Variants in TRANK1 observed in about 807,000 individuals in gnomAD.
TRANK1 encodes the protein tetratricopeptide repeat and ankyrin repeat containing 1, also known as TPR and ankyrin repeat-containing protein 1.
TRANK1 carries 198 observed loss-of-function variants against 266.0 expected under a neutral mutation model. The ratio of observed to expected loss-of-function variants is 0.74; its 90% CI spans 0.66 to 0.84. The LOEUF (loss-of-function observed/expected upper bound fraction) is 0.84, where lower values mean the gene tolerates loss of function less well. TRANK1 is among the 40% of genes least tolerant of loss of function. The pLI, the probability that TRANK1 is intolerant of heterozygous loss-of-function variation, is 0.00. For synonymous variants in TRANK1, 1,396 were observed against 1,384.1 expected (o/e 1.01, Z -0.19); for missense variants, 3,326 against 3,634.6 (o/e 0.92, Z 2.18).
At chr3:36,870,547 T>C (rs1470861170) in intron 9 of TRANK1, among the ~76,000 whole-genome samples, 1 of 152,200 alleles carries the variant, frequency 6.6e-6, no homozygotes, top group Non-Finnish European at 1.5e-5. Context: ...CTTTCACTCA[T>C]GTTTCTCTAT....
At chr3:36,943,332 A>G (rs1396032596) in intron 1 of TRANK1, among the ~76,000 whole-genome samples, 18 of 152,154 alleles carry the variant, frequency 1.2e-4, no homozygotes, top group Admixed American at 1.2e-3. Flanking sequence ...AATATTACAC[A>G]CATATTATGC....
At chr3:36,898,849 C>CA (rs57126220) in intron 4 of TRANK1, among the ~76,000 whole-genome samples, 2,315 of 112,882 alleles carry the variant, frequency 0.021, 23 homozygotes, top group Non-Finnish European at 0.03. Context: ...GACTCTGTCT[C>CA]AAAAAAAAAA....
At chr3:36,900,851 CAAAAAAAAAAAAAA>C (rs138198488) in intron 3 of TRANK1, among the ~76,000 whole-genome samples, 1 of 63,006 alleles carries the variant, frequency 1.6e-5, no homozygotes, top group Non-Finnish European at 3.3e-5. Context: ...GACCCTGTCT[CAAAAAAAAAAAAAA>C]AAAAAAAAAA....
At chr3:36,851,479 G>A in intron 15 of TRANK1, 2 of 1,246,530 alleles carry the variant, frequency 1.6e-6, no homozygotes, top group Non-Finnish European at 2.0e-6. Flanking sequence ...GTACTAGAGA[G>A]CCAAAGAAGG....
In TRANK1 at chr3:36,864,577, C is replaced by T. The variant is rs1453961646; in HGVS notation, c.1079-97G>A. The T allele has an allele frequency of 5.0e-6, 6 of 1,195,570 alleles. No homozygotes were observed. In the South Asian group the frequency reaches 6.8e-5, roughly 13 times the overall value. 74.1% of individuals were successfully genotyped at this position (1,195,570 alleles called of 1,614,324 possible). A position where few individuals can be genotyped will look rare whatever the true frequency, so the allele number is the denominator to read the frequency against. On this transcript the variant is annotated intron_variant, in intron 9 of 23. Transcript: ENST00000645898. ...AATTCTCCAACCCTCCACATACTCA[C>T]ATGCTGTGCAGTGTGACTTGCTGCT...
intron 5 of TRANK1, among the ~76,000 whole-genome samples, chr3:36,893,840 C>A (rs2079746995): frequency 6.6e-6 from 1 of 152,106 alleles, no homozygotes; most frequent in Non-Finnish European, 1.5e-5. Context: ...AGGAACTGAG[C>A]CCATGGCCAC....
chr3:36,860,527 G>A (rs1309998914), intron 11 of TRANK1, among the ~76,000 whole-genome samples: 1 of 152,050 alleles, frequency 6.6e-6, no homozygotes, highest in Non-Finnish European at 1.5e-5. Flanking sequence ...CACAGGAGTA[G>A]ATAAGGATCC....
At chr3:36,887,609 AC>A (rs2079625763) in intron 8 of TRANK1, among the ~76,000 whole-genome samples, 1 of 152,110 alleles carries the variant, frequency 6.6e-6, no homozygotes, top group Non-Finnish European at 1.5e-5. Context: ...TTGTGCACGG[AC>A]CTTCTTTTAT....
At chr3:36,931,769 C>T (rs1036075556) in intron 1 of TRANK1, among the ~76,000 whole-genome samples, 1 of 152,150 alleles carries the variant, frequency 6.6e-6, no homozygotes, top group Non-Finnish European at 1.5e-5. Flanking sequence ...AAATTCTGGG[C>T]CAGGTGTGGT....
At chr3:36,909,086 C>A (rs2080015534) in intron 1 of TRANK1, among the ~76,000 whole-genome samples, 1 of 152,188 alleles carries the variant, frequency 6.6e-6, no homozygotes, top group East Asian at 1.9e-4. Context: ...TCTCTCCTGT[C>A]CCCCTCCTTT....
intron 8 of TRANK1, among the ~76,000 whole-genome samples, chr3:36,876,421 T>C (rs1207036982): frequency 6.6e-6 from 1 of 152,218 alleles, no homozygotes; most frequent in African/African-American, 2.4e-5. Context: ...TAGTGACTGA[T>C]TGGTTCATAG....
Position 36,945,048 on chromosome 3 carries a change from C to G in TRANK1, c.-239G>C. On this transcript the variant is annotated 5_prime_UTR_variant, in exon 1 of 24. Coordinates refer to ENST00000645898, the MANE Select transcript of TRANK1 (RefSeq NM_001329998.2). Reference sequence around the variant, plus strand: ...GTCCGGGCGGTGTGCAGCCGCAGACCTATTCCAAGTTTCCACGTAGTTGCG... The same window carrying G: ...GTCCGGGCGGTGTGCAGCCGCAGACGTATTCCAAGTTTCCACGTAGTTGCG... 4.4e-6 allele frequency: 2 copies of G among 450,288 alleles called. No individual in the cohort carries two copies. The highest frequency in any genetic ancestry group is 7.8e-6 in the Non-Finnish European group (2 of 256,566). 27.9% of individuals were successfully genotyped at this position (450,288 alleles called of 1,614,324 possible). A position where few individuals can be genotyped will look rare whatever the true frequency, so the allele number is the denominator to read the frequency against.
chr3:36,855,876 C>T lies in TRANK1; in HGVS notation c.3846G>A (p.Glu1282=), dbSNP rs374071646. ...CCTCTTGCCAACTAGGAATGGTTGA[C>T]TCTTCCTGTGCAGACCATCCTATGA... ...RTIIGWSAQE[E]STIPSWQEDE... is the part of the protein sequence containing the mutation. The change falls in exon 13 of 24, where the codon GAG becomes GAA. Residue 1282 remains glutamate, a synonymous_variant. Coordinates refer to ENST00000645898, the MANE Select transcript of TRANK1 (RefSeq NM_001329998.2). 4.3e-6 allele frequency: 7 copies of T among 1,613,642 alleles called. No homozygotes were observed. In the African/African-American group the frequency reaches 5.3e-5, roughly 12 times the overall value.
rs535638784 is a variant in TRANK1 at position 36,831,508 on chromosome 3, T to A, written c.8075A>T (p.Asp2692Val). The change falls in exon 22 of 24, where the codon GAT becomes GTT. Residue 2692 changes from aspartate (D) to valine (V), a missense_variant. Physicochemically the swap from Asp to Val is radical, Grantham distance 152. Transcript: ENST00000645898. This position sits in a 1 kb window ranked among gnomAD's most constrained non-coding sequence, Gnocchi z 5.0. ...TTCTAATGCCAGTTCATCCATCTCA[T>A]CCTGGCCAAACTCACACTCAGGTTC... ...FAEPECEFGQ[D>V]EMDELALEDR... is the part of the protein sequence containing the mutation. 37 of 1,613,300 alleles carry A rather than the reference T, an allele frequency of 2.3e-5. No individual in the cohort carries two copies. Among genetic ancestry groups the A allele is most frequent in the Non-Finnish European group, 1.7e-6 (2 of 1,179,634 alleles).
chr3:36,856,047 C>T lies in TRANK1; in HGVS notation c.3675G>A (p.Leu1225=), dbSNP rs761816409. 1.9e-6 allele frequency: 3 copies of T among 1,613,750 alleles called. No homozygotes were observed. The Admixed American group carries it at 5.0e-5, about 27-fold the overall frequency. Residue 1225 remains leucine, a synonymous_variant, in exon 13 of 24, where the codon CTG becomes CTA. Transcript: ENST00000645898. ...CCTGGAGTTTGTGAATGTTGGGGTCCAGTGGTTTGTAATGACTAGTGGCCT... is the reference window on the plus strand; with the variant it reads ...CCTGGAGTTTGTGAATGTTGGGGTCTAGTGGTTTGTAATGACTAGTGGCCT... ...STKATSHYKP[L]DPNIHKLQDL...
In TRANK1 at chr3:36,847,202, T is replaced by G. The variant is rs1010860442; in HGVS notation, c.5032A>C (p.Lys1678Gln). ...GTTGACAAATGGCAGAAATTCACCTTGTACATTTCTGGATTCACCATGAGA... is the reference window on the plus strand; with the variant it reads ...GTTGACAAATGGCAGAAATTCACCTGGTACATTTCTGGATTCACCATGAGA... ...RSLMVNPEMY[K>Q]LLNGELKQLY... Residue 1678 changes from lysine to glutamine, a missense_variant and splice_region_variant, in exon 16 of 24, where the codon AAG (lysine) becomes CAG (glutamine). Lys to Gln is a moderately conservative substitution (Grantham distance 53). Transcript: ENST00000645898. 1 of 1,612,630 alleles carries G rather than the reference T, an allele frequency of 6.2e-7. No homozygotes were observed. Among genetic ancestry groups the G allele is most frequent in the Non-Finnish European group, 8.5e-7 (1 of 1,179,192 alleles).
intron 22 of TRANK1, among the ~76,000 whole-genome samples, chr3:36,830,487 G>C (rs1331409458): frequency 6.6e-6 from 1 of 152,182 alleles, no homozygotes; most frequent in East Asian, 1.9e-4. Context: ...GAACCTTAAA[G>C]AGTTTTCTTA....
At position 36,895,690 on chromosome 3, in the gene TRANK1, C is replaced by T. The variant is rs545760648; in HGVS notation, c.502G>A (p.Glu168Lys). The T allele has an allele frequency of 2.6e-6, 4 of 1,536,728 alleles. No individual in the cohort carries two copies. The highest frequency in any genetic ancestry group is 3.5e-6 in the Non-Finnish European group (4 of 1,146,766). ...DHIFTTGFPTEVWQSVIEKLA... is the reference protein window; with the variant it reads ...DHIFTTGFPTKVWQSVIEKLA... ...TTTTCTATTACAGATTGCCACACTT[C>T]TGTTGGGAATCCAGTTGTGAAAATA... The change falls in exon 5 of 24, where the codon GAA (glutamate) becomes AAA (lysine). Residue 168 changes from glutamate (E) to lysine (K), a missense_variant. Transcript: ENST00000645898.
chr3:36,889,819 C>T lies in TRANK1; in HGVS notation c.907+10G>A, dbSNP rs1257704393. 28 of 1,531,402 alleles carry T rather than the reference C, an allele frequency of 1.8e-5. No homozygotes were observed. Among genetic ancestry groups the T allele is most frequent in the African/African-American group, 2.7e-5 (2 of 72,860 alleles). The allele number at this position is 1,531,402 out of a possible 1,614,324, so 94.9% of individuals were successfully genotyped here. On this transcript the variant is annotated intron_variant, in intron 8 of 23. Transcript: ENST00000645898. ...CCACAGCGCACCCTCTGGGTAATGC[C>T]ACTACTCACGCTTAACGAGGTATCC... is the stretch of plus-strand genomic sequence containing the variant.
Sources: allele counts gnomAD v4.1 joint callset (sites outside exome capture counted in the v4.1 genomes callset), GRCh38; gene constraint gnomAD v4.1.1; non-coding constraint Gnocchi (gnomAD v3.1); transcripts MANE v1.5; gene names NCBI Gene and HGNC (gene_info 2026-07-23, HGNC 2026-07-21).